GOLIM4: variants seen among roughly 807,000 people sequenced by gnomAD.
The protein encoded by GOLIM4 is golgi integral membrane protein 4, also known as 130 kDa golgi-localized phosphoprotein.
A neutral mutation model predicts 107.4 loss-of-function variants in GOLIM4; 71 were observed. The ratio of observed to expected loss-of-function variants is 0.66; its 90% CI spans 0.55 to 0.81. The LOEUF is 0.81. GOLIM4 is among the 30% of genes least tolerant of loss of function. GOLIM4 has a pLI of 0.00. For missense variants in GOLIM4, 830 were observed against 826.1 expected (o/e 1.00, Z -0.06); for synonymous variants, 327 against 294.8 (o/e 1.11, Z -1.12).
intron 11 of GOLIM4, 151 bp downstream of exon 11, chr3:168,029,072 A>G (rs1206279768): frequency 1.9e-6 from 1 of 527,536 alleles, no homozygotes; most frequent in Non-Finnish European, 3.3e-6. Context: ...GTACTGTTTA[A>G]GAGGATTAAG....
intron 14 of GOLIM4, among the ~76,000 whole-genome samples, chr3:168,019,217 C>T (rs527636441): frequency 1.7e-4 from 26 of 152,192 alleles, no homozygotes; most frequent in African/African-American, 5.3e-4. Context: ...CACATGCAAA[C>T]GAAGAAAATC....
intron 1 of GOLIM4, among the ~76,000 whole-genome samples, chr3:168,068,129 T>C (rs1720644912): frequency 6.6e-6 from 1 of 152,160 alleles, no homozygotes; most frequent in Non-Finnish European, 1.5e-5. Flanking sequence ...AATATCACTA[T>C]ATATTTGATG....
At chr3:168,063,875 A>G (rs996155824) in intron 1 of GOLIM4, among the ~76,000 whole-genome samples, 1 of 151,808 alleles carries the variant, frequency 6.6e-6, no homozygotes, top group Admixed American at 6.6e-5. Context: ...CCCGAGCCTA[A>G]AAGTTGAAGG....
At chr3:168,052,494 TTAAA>T (rs1454867461) in intron 1 of GOLIM4, among the ~76,000 whole-genome samples, 1 of 152,040 alleles carries the variant, frequency 6.6e-6, no homozygotes, top group East Asian at 1.9e-4. Context: ...AAAAATTTCT[TTAAA>T]TAAAAGAAAA....
intron 1 of GOLIM4, among the ~76,000 whole-genome samples, chr3:168,081,833 G>A (rs2108289666): frequency 6.6e-6 from 1 of 152,194 alleles, no homozygotes; most frequent in Non-Finnish European, 1.5e-5. Flanking sequence ...AATTACTAAT[G>A]GATTCTAGGA....
intron 3 of GOLIM4, among the ~76,000 whole-genome samples, chr3:168,046,307 AT>A (rs1362454550): frequency 8.6e-5 from 13 of 152,014 alleles, no homozygotes; most frequent in Middle Eastern, 3.4e-3. Flanking sequence ...TATTTATTTA[AT>A]TTTTATTTTT....
At chr3:168,023,685 A>T (rs1315235400) in intron 14 of GOLIM4, among the ~76,000 whole-genome samples, 1 of 152,206 alleles carries the variant, frequency 6.6e-6, no homozygotes, top group Non-Finnish European at 1.5e-5. Flanking sequence ...CCAGGGTTTT[A>T]ATTTGGGAAC....
chr3:168,010,490 C>G (rs1716940266), intron 15 of GOLIM4, 72 bp from the exon 16 acceptor site: 3 of 1,094,626 alleles, frequency 2.7e-6, no homozygotes, highest in South Asian at 3.0e-5. Flanking sequence ...TCTCTAAAAA[C>G]AGGATGAAAA....
chr3:168,086,397 T>C (rs1721622435), intron 1 of GOLIM4, among the ~76,000 whole-genome samples: 1 of 152,194 alleles, frequency 6.6e-6, no homozygotes, highest in South Asian at 2.1e-4. Flanking sequence ...CCTAAATATC[T>C]TGATTTGCAG....
intron 1 of GOLIM4, among the ~76,000 whole-genome samples, chr3:168,051,372 TTACATATTTGACA>T (rs1719636269): frequency 6.6e-6 from 1 of 152,174 alleles, no homozygotes; most frequent in African/African-American, 2.4e-5. Context: ...AAATGGAAAT[TTACATATTTGACA>T]TATTAACAGC....
intron 1 of GOLIM4, among the ~76,000 whole-genome samples, chr3:168,074,238 T>C (rs961741265): frequency 6.6e-6 from 1 of 152,202 alleles, no homozygotes; most frequent in Non-Finnish European, 1.5e-5. Flanking sequence ...ACCATCCAGA[T>C]AAGCTGCTTC....
chr3:168,022,947 C>T (rs896409771), intron 14 of GOLIM4, among the ~76,000 whole-genome samples: 4 of 152,164 alleles, frequency 2.6e-5, no homozygotes, highest in African/African-American at 9.7e-5. Flanking sequence ...CAGCACTCAG[C>T]CAGGGCAACC....
chr3:168,076,337 G>C (rs1211315859), intron 1 of GOLIM4, among the ~76,000 whole-genome samples: 2 of 152,178 alleles, frequency 1.3e-5, no homozygotes, highest in South Asian at 2.1e-4. Context: ...GCTCTAACTT[G>C]TTCTGTTTTT....
At chr3:168,069,411 T>A (rs1020401060) in intron 1 of GOLIM4, among the ~76,000 whole-genome samples, 9 of 152,340 alleles carry the variant, frequency 5.9e-5, no homozygotes, top group Admixed American at 5.2e-4. Flanking sequence ...TTTTTACCAA[T>A]GAAGTCAAGC....
intron 14 of GOLIM4, among the ~76,000 whole-genome samples, chr3:168,017,112 C>G (rs536659695): frequency 7.1e-4 from 108 of 152,276 alleles, no homozygotes; most frequent in Non-Finnish European, 1.2e-4. Flanking sequence ...GAATGTAGGA[C>G]TTTTCTGTTT....
chr3:168,067,251 C>T (rs1720598342), intron 1 of GOLIM4, among the ~76,000 whole-genome samples: 1 of 152,034 alleles, frequency 6.6e-6, no homozygotes, highest in Non-Finnish European at 1.5e-5. Flanking sequence ...ACCATACTTA[C>T]AACTAGTCCA....
At chr3:168,076,299 A>C (rs978855561) in intron 1 of GOLIM4, among the ~76,000 whole-genome samples, 5 of 152,238 alleles carry the variant, frequency 3.3e-5, no homozygotes, top group African/African-American at 1.2e-4. Flanking sequence ...ATAAAATTTA[A>C]AATGCTCAAG....
intron 14 of GOLIM4, among the ~76,000 whole-genome samples, chr3:168,013,507 C>T (rs1389567706): frequency 7.0e-6 from 1 of 142,188 alleles, no homozygotes; most frequent in Non-Finnish European, 1.5e-5. Context: ...CAAGGATACC[C>T]AGGAATTGAA....
At chr3:168,040,724 A>C in intron 7 of GOLIM4, 62 bp downstream of exon 7, 2 of 1,043,084 alleles carry the variant, frequency 1.9e-6, no homozygotes, top group Non-Finnish European at 3.0e-6. Flanking sequence ...ACATGCATAA[A>C]GGAATTGAGA....
Sources: gnomAD v4.1 joint callset for allele counts (sites outside exome capture counted in the v4.1 genomes callset) on GRCh38, gnomAD v4.1.1 for gene constraint, MANE v1.5 for transcripts, NCBI Gene and HGNC (gene_info 2026-07-23, HGNC 2026-07-21) for gene names.